Variants in ETS1 observed in about 807,000 individuals in gnomAD.
The protein encoded by ETS1 is ETS proto-oncogene 1, transcription factor.
Under a neutral mutation model 58.6 loss-of-function variants are expected in ETS1, and 15 were observed. The observed-to-expected ratio is 0.26, with a 90% CI of 0.17 to 0.39. ETS1 has a LOEUF of 0.39. Among genes scored for constraint, ETS1 ranks in the 10% least tolerant of loss-of-function variants. The pLI, the probability that ETS1 is intolerant of heterozygous loss-of-function variation, is 1.00. For missense variants in ETS1, 417 were observed against 610.5 expected, an observed-to-expected ratio of 0.68 and a Z score of 3.34; for synonymous variants, 214 against 218.2, an observed-to-expected ratio of 0.98 and a Z score of 0.17.
Position 128,460,606 on chromosome 11 carries a change from T to C in ETS1, c.*1755A>G, listed in dbSNP as rs1012293085. The stretch of plus-strand genomic sequence containing the variant: ...GGCAACTATAGAGTGAGGGAGATTC[T>C]AATTGTATTAGGCACTTTTCCTCAC... On this transcript the variant is annotated 3_prime_UTR_variant, in exon 10 of 10. Transcript: ENST00000392668. The C allele has an allele frequency of 1.3e-5, 2 of 152,398 alleles. No individual in the cohort carries two copies. Among genetic ancestry groups the C allele is most frequent in the African/African-American group, 2.4e-5 (1 of 41,470 alleles). The allele number at this position is 152,398 out of a possible 1,614,324, so 9.4% of individuals were successfully genotyped here.
At chr11:128,488,590 G>GA (rs1424691919) in intron 5 of ETS1, among the ~76,000 whole-genome samples, 2 of 152,104 alleles carry the variant, frequency 1.3e-5, no homozygotes, top group East Asian at 1.9e-4. Flanking sequence ...TTTATTTTAA[G>GA]AAAAAATTCA....
At chr11:128,517,322 A>G (rs1863552922) in intron 3 of ETS1, among the ~76,000 whole-genome samples, 1 of 152,260 alleles carries the variant, frequency 6.6e-6, no homozygotes, top group Non-Finnish European at 1.5e-5. Context: ...ATAACTCAAA[A>G]TTTTAGGTAT....
chr11:128,579,857 C>T (rs1343423308), intron 1 of ETS1, among the ~76,000 whole-genome samples: 2 of 152,056 alleles, frequency 1.3e-5, no homozygotes, highest in Non-Finnish European at 2.9e-5. Context: ...CTCAGAGTAT[C>T]TCCTCTTTCA....
intron 3 of ETS1, among the ~76,000 whole-genome samples, chr11:128,539,014 G>T (rs1338184085): frequency 6.6e-6 from 1 of 152,170 alleles, no homozygotes; most frequent in Non-Finnish European, 1.5e-5. Context: ...ATACGAAAAA[G>T]AAAGAAACTA....
chr11:128,485,936 CAAA>C (rs1862617799), intron 6 of ETS1, 130 bp downstream of exon 6: 1 of 620,590 alleles, frequency 1.6e-6, no homozygotes, highest in East Asian at 2.7e-5. Context: ...AATAAAGTAA[CAAA>C]GAAGAGTCTA....
Position 128,585,055 on chromosome 11 carries a change from A to AG in ETS1, c.-15+2432dup, listed in dbSNP as rs1864967030. ...AGAAAAGAAAGAAAGAAAGAAAGAAAGAAAGAAAGAAAGAAAGAAAGAGAA... is the reference window on the plus strand; with the variant it reads ...AGAAAAGAAAGAAAGAAAGAAAGAAAGGAAAGAAAGAAAGAAAGAAAGAGAA... On this transcript the variant is annotated intron_variant, in intron 1 of 9. Coordinates refer to ENST00000392668, the MANE Select transcript of ETS1 (RefSeq NM_001143820.2). Among the ~76,000 whole-genome samples, 3 of 27,670 alleles carry AG rather than the reference A, an allele frequency of 1.1e-4. 1 individual carries two copies. Among genetic ancestry groups the AG allele is most frequent in the Non-Finnish European group, 1.8e-4 (3 of 16,222 alleles). 18.2% of individuals were successfully genotyped at this position (27,670 alleles called of 152,430 possible).
chr11:128,547,889 A>C (rs1407512545), intron 3 of ETS1, among the ~76,000 whole-genome samples: 3 of 152,038 alleles, frequency 2.0e-5, no homozygotes, highest in Non-Finnish European at 4.4e-5. Context: ...TCACACTGGC[A>C]GCTTTGGGGA....
Position 128,584,347 on chromosome 11 carries a change from C to T in ETS1, c.-15+3141G>A, listed in dbSNP as rs185926735. 1.1e-3 allele frequency among the ~76,000 whole-genome samples: 169 copies of T among 152,314 alleles called. 1 individual carries two copies. Among genetic ancestry groups the T allele is most frequent in the African/African-American group, 3.7e-3 (152 of 41,572 alleles). On this transcript the variant is annotated intron_variant, in intron 1 of 9. Coordinates refer to ENST00000392668, the MANE Select transcript of ETS1 (RefSeq NM_001143820.2). Reference sequence around the variant, plus strand: ...CTTAGAGTTACTTAGATTCCTATGACATGCAGTTCCAATCACAAGCTCTGG... The same window carrying T: ...CTTAGAGTTACTTAGATTCCTATGATATGCAGTTCCAATCACAAGCTCTGG...
chr11:128,521,324 T>C (rs1430457206), intron 3 of ETS1, among the ~76,000 whole-genome samples: 2 of 152,106 alleles, frequency 1.3e-5, no homozygotes, highest in Non-Finnish European at 2.9e-5. Context: ...GTAACCTACA[T>C]GAATAGGGTC....
At chr11:128,480,877 C>A (rs1862468085) in intron 7 of ETS1, among the ~76,000 whole-genome samples, 1 of 152,164 alleles carries the variant, frequency 6.6e-6, no homozygotes, top group Non-Finnish European at 1.5e-5. Context: ...GAATTCCCCA[C>A]TCCAGCTCAA....
intron 3 of ETS1, among the ~76,000 whole-genome samples, chr11:128,545,108 A>G (rs544125008): frequency 5.3e-4 from 80 of 152,324 alleles, no homozygotes; most frequent in African/African-American, 1.5e-3. Flanking sequence ...TGAATGCCCA[A>G]CAAAGGAAAA....
At chr11:128,550,751 C>A (rs1483379182) in intron 3 of ETS1, among the ~76,000 whole-genome samples, 2 of 152,176 alleles carry the variant, frequency 1.3e-5, no homozygotes, top group African/African-American at 4.8e-5. Flanking sequence ...CCAAAAAGGT[C>A]CATGTTTCCC....
chr11:128,579,158 G>T (rs1423959386), intron 1 of ETS1, among the ~76,000 whole-genome samples: 1 of 152,148 alleles, frequency 6.6e-6, no homozygotes, highest in African/African-American at 2.4e-5. Context: ...TATGAAGATG[G>T]CACATGGGGA....
At chr11:128,537,885 A>T (rs1026265588) in intron 3 of ETS1, among the ~76,000 whole-genome samples, 14 of 152,196 alleles carry the variant, frequency 9.2e-5, no homozygotes, top group African/African-American at 3.4e-4. Context: ...CACCTACAAG[A>T]AGGGAGAAGA....
intron 3 of ETS1, among the ~76,000 whole-genome samples, chr11:128,555,821 G>A (rs1177979351): frequency 6.6e-6 from 1 of 152,208 alleles, no homozygotes; most frequent in Admixed American, 6.5e-5. Flanking sequence ...CAAGTGGAAG[G>A]AGAGAAGGGA....
At position 128,580,074 on chromosome 11, in the gene ETS1, A is replaced by G. The variant is rs141912386; in HGVS notation, c.-14-6930T>C. ...GTAGCCATGCAACAAGTGTCTGTTT[A>G]CTAAATGAGGGAAAGTACCTAAAGT... On this transcript the variant is annotated intron_variant, in intron 1 of 9. Coordinates refer to ENST00000392668, the MANE Select transcript of ETS1 (RefSeq NM_001143820.2). 4.3e-3 allele frequency among the ~76,000 whole-genome samples: 644 copies of G among 150,556 alleles called. 5 individuals are homozygous for G. Among genetic ancestry groups the G allele is most frequent in the African/African-American group, 0.015 (611 of 40,924 alleles).
At chr11:128,530,341 C>A (rs573800848) in intron 3 of ETS1, 1 of 152,256 alleles carries the variant, frequency 6.6e-6, no homozygotes, top group East Asian at 1.9e-4. Flanking sequence ...GGCTCCCATA[C>A]AATAAAAATC....
At chr11:128,503,966 T>C (rs374578775) in intron 3 of ETS1, among the ~76,000 whole-genome samples, 3 of 152,132 alleles carry the variant, frequency 2.0e-5, no homozygotes, top group African/African-American at 2.4e-5. Context: ...CGCCCCAACA[T>C]GGCACATCTA....
At position 128,565,029 on chromosome 11, in the gene ETS1, CAAATAAAT is replaced by C. The variant is rs6144562; in HGVS notation, c.69+8025_69+8032del. Among the ~76,000 whole-genome samples the C allele has an allele frequency of 4.1e-4, 59 of 144,582 alleles. 3 individuals carry two copies. The East Asian group carries it at 4.6e-3, about 11-fold the overall frequency. The allele number at this position is 144,582 out of a possible 152,430, so 94.9% of individuals were successfully genotyped here. A position where few individuals can be genotyped will look rare whatever the true frequency, so the allele number is the denominator to read the frequency against. ...TAAGTTCTTACATATCACCAAATATCAAATAAATAAATAAATAAATAAATAAATAAAAT... is the reference window on the plus strand; with the variant it reads ...TAAGTTCTTACATATCACCAAATATCAAATAAATAAATAAATAAATAAAAT... On this transcript the variant is annotated intron_variant, in intron 2 of 9. Transcript: ENST00000392668.
Sources: gnomAD v4.1 joint callset for allele counts (sites outside exome capture counted in the v4.1 genomes callset) on GRCh38, gnomAD v4.1.1 for gene constraint, MANE v1.5 for transcripts, NCBI Gene and HGNC (gene_info 2026-07-23, HGNC 2026-07-21) for gene names.